Variants in KYAT1 observed in about 807,000 individuals in gnomAD.
KYAT1 encodes kynurenine--oxoglutarate transaminase 1.
In KYAT1, 47 loss-of-function variants were observed where a neutral mutation model predicts 52.4. The ratio of observed to expected loss-of-function variants is 0.90; its 90% CI spans 0.71 to 1.14. The LOEUF is 1.14. Ranked by LOEUF, KYAT1 falls within the 50% of genes most tolerant of loss-of-function variation. The pLI is 0.00. For synonymous variants in KYAT1, 212 were observed against 209.6 expected, an observed-to-expected ratio of 1.01 and a Z score of -0.10; for missense variants, 480 against 557.9, an observed-to-expected ratio of 0.86 and a Z score of 1.41.
intron 1 of KYAT1, among the ~76,000 whole-genome samples, chr9:128,861,803 T>C (rs1185509040): frequency 1.6e-4 from 24 of 152,232 alleles, no homozygotes; most frequent in Non-Finnish European, 3.5e-4. Flanking sequence ...GGGCTGGTCA[T>C]GGGAGGCACT....
At chr9:128,879,498 T>C (rs1838510592) in intron 1 of KYAT1, among the ~76,000 whole-genome samples, 1 of 152,146 alleles carries the variant, frequency 6.6e-6, no homozygotes, top group Non-Finnish European at 1.5e-5. Context: ...GAGGTTAGTG[T>C]GGCGTTCTGG....
chr9:128,867,317 C>A (rs1836538695), intron 1 of KYAT1, among the ~76,000 whole-genome samples: 1 of 152,054 alleles, frequency 6.6e-6, no homozygotes, highest in African/African-American at 2.4e-5. Context: ...GTAGCTGGGA[C>A]CACATGTGCA....
chr9:128,836,114 A>T (rs764474030), intron 7 of KYAT1, 41 bp from the exon 8 acceptor site: 2 of 1,597,748 alleles, frequency 1.3e-6, no homozygotes, highest in Admixed American at 3.4e-5. Context: ...GACTGGGGTG[A>T]GGGGGACGGG....
chr9:128,878,680 GGA>G (rs1838365209), intron 1 of KYAT1, among the ~76,000 whole-genome samples: 1 of 152,316 alleles, frequency 6.6e-6, no homozygotes, highest in South Asian at 2.1e-4. Context: ...AATTGGCAGA[GGA>G]GAGAGAAATG....
intron 1 of KYAT1, chr9:128,860,514 C>A (rs1446232228): frequency 6.6e-6 from 1 of 151,814 alleles, no homozygotes; most frequent in Non-Finnish European, 1.5e-5. Flanking sequence ...TACCCTGTGA[C>A]CTAATTTTCT....
chr9:128,865,357 A>ATT (rs1836204051), intron 1 of KYAT1, among the ~76,000 whole-genome samples: 6 of 8,630 alleles, frequency 7.0e-4, no homozygotes, highest in Non-Finnish European at 1.1e-3. Context: ...ATATATATAT[A>ATT]TATTTTTTTT....
intron 1 of KYAT1, among the ~76,000 whole-genome samples, chr9:128,869,574 A>C (rs1836936037): frequency 6.6e-6 from 1 of 152,122 alleles, no homozygotes. Flanking sequence ...CATCTACAAA[A>C]ATTAACTCAA....
At chr9:128,879,519 C>G (rs937128707) in intron 1 of KYAT1, among the ~76,000 whole-genome samples, 10 of 152,152 alleles carry the variant, frequency 6.6e-5, no homozygotes, top group African/African-American at 2.2e-4. Context: ...TGGTTGGCAC[C>G]TAATGGAGGC....
chr9:128,848,351 G>A (rs935947310), intron 1 of KYAT1, among the ~76,000 whole-genome samples: 3 of 145,766 alleles, frequency 2.1e-5, no homozygotes, highest in Non-Finnish European at 4.5e-5. Context: ...GTAAATGCCT[G>A]AAAAAGAAGA....
At chr9:128,841,010 C>T (rs1832058183) in intron 3 of KYAT1, among the ~76,000 whole-genome samples, 1 of 152,216 alleles carries the variant, frequency 6.6e-6, no homozygotes, top group African/African-American at 2.4e-5. Flanking sequence ...AGAAGCAGTC[C>T]ATCAGTGCAG....
At chr9:128,848,746 G>A (rs911028114) in intron 1 of KYAT1, among the ~76,000 whole-genome samples, 2 of 151,470 alleles carry the variant, frequency 1.3e-5, no homozygotes, top group Admixed American at 6.6e-5. Context: ...GAACTTAGGA[G>A]GTGGAGGATG....
At chr9:128,834,424 A>T (rs995059238) in intron 11 of KYAT1, among the ~76,000 whole-genome samples, 7 of 152,158 alleles carry the variant, frequency 4.6e-5, no homozygotes, top group Non-Finnish European at 1.0e-4. Context: ...ACCTGGATGA[A>T]CTCAAGAGTT....
chr9:128,871,760 C>G (rs1460990874), intron 1 of KYAT1, among the ~76,000 whole-genome samples: 1 of 152,064 alleles, frequency 6.6e-6, no homozygotes, highest in Non-Finnish European at 1.5e-5. Context: ...AGGATGCATA[C>G]ATATATATAC....
chr9:128,840,274 TTTGTTG>T (rs59759897), intron 3 of KYAT1, among the ~76,000 whole-genome samples: 1 of 151,488 alleles, frequency 6.6e-6, no homozygotes, highest in African/African-American at 2.4e-5. Flanking sequence ...CTGTCTCTAT[TTTGTTG>T]TTGTTGTTGT....
At chr9:128,868,265 C>T (rs1464748700) in intron 1 of KYAT1, among the ~76,000 whole-genome samples, 6 of 151,748 alleles carry the variant, frequency 4.0e-5, no homozygotes, top group Middle Eastern at 3.4e-3. Context: ...CAGCCTCTGC[C>T]GATTCTTGTG....
At chr9:128,881,237 C>G (rs970713688) in intron 1 of KYAT1, among the ~76,000 whole-genome samples, 1 of 152,122 alleles carries the variant, frequency 6.6e-6, no homozygotes, top group African/African-American at 2.4e-5. Context: ...CCCACCACCA[C>G]GCCCGGCTGA....
chr9:128,850,011 A>T (rs562780339), intron 1 of KYAT1, among the ~76,000 whole-genome samples: 2 of 149,390 alleles, frequency 1.3e-5, no homozygotes, highest in Middle Eastern at 7.1e-3. Flanking sequence ...CAGCCTCCTG[A>T]GTAGCTGGGA....
intron 1 of KYAT1, chr9:128,846,957 C>T (rs1240299268): frequency 9.1e-7 from 1 of 1,098,808 alleles, no homozygotes; most frequent in African/African-American, 1.6e-5. Flanking sequence ...TAGTCTCCAT[C>T]TAACAGATGA....
At chr9:128,840,778 A>C in intron 3 of KYAT1, 1 of 309,062 alleles carries the variant, frequency 3.2e-6, no homozygotes, top group Non-Finnish European at 6.5e-6. Flanking sequence ...CTGGCCTCAA[A>C]CTCCTGGGCT....
Sources: allele counts gnomAD v4.1 joint callset (sites outside exome capture counted in the v4.1 genomes callset), GRCh38; gene constraint gnomAD v4.1.1; transcripts MANE v1.5; gene names NCBI Gene and HGNC (gene_info 2026-07-23, HGNC 2026-07-21).